The following GDPD5 variants were observed in gnomAD, a reference collection of about 807,000 sequenced individuals.
The protein encoded by GDPD5 is glycerophosphodiester phosphodiesterase domain containing 5.
GDPD5 carries 48 observed loss-of-function variants against 75.1 expected under a neutral mutation model. The ratio of observed to expected loss-of-function variants is 0.64; its 90% CI spans 0.51 to 0.81. The LOEUF (loss-of-function observed/expected upper bound fraction) is 0.81, where lower values mean the gene tolerates loss of function less well. Ranked by LOEUF, GDPD5 falls within the 40% of genes least tolerant of loss-of-function variation. The pLI is 0.00. For missense variants in GDPD5, 706 were observed against 822.6 expected (o/e 0.86, Z 1.73); for synonymous variants, 336 against 339.0 (o/e 0.99, Z 0.10).
chr11:75,456,024 C>G (rs1949277881), intron 6 of GDPD5, among the ~76,000 whole-genome samples: 1 of 152,160 alleles, frequency 6.6e-6, no homozygotes, highest in African/African-American at 2.4e-5. Context: ...AGACATGTAG[C>G]AGGGGAGGCT....
intron 1 of GDPD5, among the ~76,000 whole-genome samples, chr11:75,513,139 A>G (rs889728827): frequency 1.3e-5 from 2 of 152,218 alleles, no homozygotes; most frequent in Non-Finnish European, 2.9e-5. Context: ...GAAAAAATTC[A>G]CAGACAAGAA....
At chr11:75,522,154 A>C (rs1300714578) in intron 1 of GDPD5, among the ~76,000 whole-genome samples, 1 of 152,102 alleles carries the variant, frequency 6.6e-6, no homozygotes, top group Non-Finnish European at 1.5e-5. Context: ...ACTCATGATG[A>C]GGCACCCCCT....
intron 3 of GDPD5, 143 bp from the exon 4 acceptor site, chr11:75,463,032 A>G (rs1235449855): frequency 3.0e-6 from 2 of 661,604 alleles, no homozygotes; most frequent in Non-Finnish European, 5.3e-6. Flanking sequence ...CCTGGGAGAA[A>G]CTGAGGTTCA....
intron 4 of GDPD5, 87 bp downstream of exon 4, chr11:75,462,699 G>A (rs1949439734): frequency 2.9e-6 from 3 of 1,035,178 alleles, no homozygotes; most frequent in East Asian, 5.2e-5. Context: ...CAACCTGGGA[G>A]ACAGGCTCTA....
intron 1 of GDPD5, among the ~76,000 whole-genome samples, chr11:75,495,265 T>TCACACACA (rs34243107): frequency 6.8e-6 from 1 of 147,044 alleles, no homozygotes; most frequent in African/African-American, 2.5e-5. Context: ...TGTCACTCTG[T>TCACACACA]CACACACACA....
At chr11:75,449,791 C>A (rs910245689) in intron 7 of GDPD5, 94 bp downstream of exon 7, 1 of 1,366,018 alleles carries the variant, frequency 7.3e-7, no homozygotes, top group South Asian at 1.2e-5. Context: ...TGACCCTGGG[C>A]GCCTCCCTGC....
chr11:75,469,251 TCA>T (rs1232124084), intron 3 of GDPD5, among the ~76,000 whole-genome samples: 1 of 152,086 alleles, frequency 6.6e-6, no homozygotes, highest in Non-Finnish European at 1.5e-5. Context: ...CTGCCCAATC[TCA>T]CTCACAGGCT....
chr11:75,495,198 T>C (rs11236441), intron 1 of GDPD5, among the ~76,000 whole-genome samples: 99,522 of 151,422 alleles, frequency 0.66, 33,669 homozygotes, highest in East Asian at 0.92. Flanking sequence ...ACCCGGAAGG[T>C]AGAGGTTGCA....
At chr11:75,439,775 C>T (rs1948734132) in intron 15 of GDPD5, 104 bp downstream of exon 15, 3 of 939,698 alleles carry the variant, frequency 3.2e-6, no homozygotes, top group Non-Finnish European at 3.5e-6. Flanking sequence ...CAGGCCTGCT[C>T]CTGGCTGAGG....
chr11:75,455,723 C>T (rs1158965767), intron 6 of GDPD5, among the ~76,000 whole-genome samples: 1 of 152,216 alleles, frequency 6.6e-6, no homozygotes, highest in African/African-American at 2.4e-5. Flanking sequence ...CCAGATGTTC[C>T]TGGGAGGGAG....
At chr11:75,474,202 T>C (rs1460255365) in intron 3 of GDPD5, among the ~76,000 whole-genome samples, 1 of 152,172 alleles carries the variant, frequency 6.6e-6, no homozygotes, top group African/African-American at 2.4e-5. Context: ...AAAAGGTAAA[T>C]GTACTACAGA....
chr11:75,449,226 G>A, intron 8 of GDPD5, 104 bp from the exon 9 acceptor site: 2 of 1,370,150 alleles, frequency 1.5e-6, no homozygotes, highest in Non-Finnish European at 2.0e-6. Flanking sequence ...GGTGCTCTAG[G>A]GGGAAGCCCT....
At chr11:75,460,300 ATTCT>A (rs1949383211) in intron 4 of GDPD5, among the ~76,000 whole-genome samples, 1 of 150,730 alleles carries the variant, frequency 6.6e-6, no homozygotes, top group African/African-American at 2.5e-5. Flanking sequence ...ATTCCCAGAG[ATTCT>A]TTTTTTTTTG....
intron 4 of GDPD5, among the ~76,000 whole-genome samples, chr11:75,461,308 G>C (rs538902145): frequency 1.3e-5 from 2 of 152,160 alleles, no homozygotes; most frequent in Non-Finnish European, 2.9e-5. Context: ...CTGCAAAGAT[G>C]AATAATTGAT....
rs1239960598 is a variant in GDPD5, at chr11:75,518,049, C to T, written c.-145+7161G>A. Among the ~76,000 whole-genome samples the T allele has an allele frequency of 5.9e-5, 9 of 152,216 alleles. No individual in the cohort carries two copies. The South Asian group carries it at 1.9e-3, about 32-fold the overall frequency. ...AAGGGCCCCCGGGCTGGGTGTTGAT[C>T]CCACCCTAACCAGCGCCAGTCTCAG... is the stretch of plus-strand genomic sequence containing the variant. On this transcript the variant is annotated intron_variant, in intron 1 of 16. Coordinates refer to ENST00000336898, the MANE Select transcript of GDPD5 (RefSeq NM_030792.8).
rs183534412 is a variant in GDPD5 at position 75,435,458 on chromosome 11, G to A, written c.*49C>T. 3.6e-5 allele frequency: 54 copies of A among 1,504,752 alleles called. No homozygotes were observed. In the African/African-American group the frequency reaches 6.9e-4, roughly 19 times the overall value. The allele number at this position is 1,504,752 out of a possible 1,614,324, so 93.2% of individuals were successfully genotyped here. On this transcript the variant is annotated 3_prime_UTR_variant, in exon 17 of 17. Coordinates refer to ENST00000336898, the MANE Select transcript of GDPD5 (RefSeq NM_030792.8). ...AGACACACTTCCACCAGCTCTCCTAGGCTCCCCAGCTTCTGTGTCAGGTAC... is the reference window on the plus strand; with the variant it reads ...AGACACACTTCCACCAGCTCTCCTAAGCTCCCCAGCTTCTGTGTCAGGTAC...
chr11:75,450,166 G>A (rs762712972), intron 6 of GDPD5, among the ~76,000 whole-genome samples, 183 bp from the exon 7 acceptor site: 5 of 152,096 alleles, frequency 3.3e-5, no homozygotes, highest in Non-Finnish European at 5.9e-5. Flanking sequence ...AGATAGACAC[G>A]GCAGGGAGAG....
At chr11:75,462,576 T>C (rs534943228) in intron 4 of GDPD5, among the ~76,000 whole-genome samples, 3 of 151,934 alleles carry the variant, frequency 2.0e-5, no homozygotes, top group Admixed American at 6.5e-5. Flanking sequence ...CTTCCCACTA[T>C]AGTCCCACAC....
chr11:75,443,897 CA>C (rs1355850934), intron 10 of GDPD5, among the ~76,000 whole-genome samples: 3 of 152,320 alleles, frequency 2.0e-5, no homozygotes, highest in South Asian at 2.1e-4. Context: ...ATACTGGGAA[CA>C]ATGTCCTCAT....
Sources: allele counts gnomAD v4.1 joint callset (sites outside exome capture counted in the v4.1 genomes callset), GRCh38; gene constraint gnomAD v4.1.1; transcripts MANE v1.5; gene names NCBI Gene and HGNC (gene_info 2026-07-23, HGNC 2026-07-21).